Variants in COX6A1 observed in about 807,000 individuals in gnomAD.
COX6A1 encodes the protein cytochrome c oxidase subunit 6A1.
A neutral mutation model predicts 11.3 loss-of-function variants in COX6A1; 10 were observed. That is an observed-to-expected ratio of 0.88 (90% confidence interval 0.54 to 1.50). The LOEUF is 1.50. Ranked by LOEUF, COX6A1 falls within the 40% of genes most tolerant of loss-of-function variation. COX6A1 has a pLI of 0.00. For synonymous variants in COX6A1, 81 were observed against 60.6 expected, an observed-to-expected ratio of 1.34 and a Z score of -1.57; for missense variants, 149 against 147.6, an observed-to-expected ratio of 1.01 and a Z score of -0.05.
rs1877632489 is a variant in COX6A1 at position 120,438,596 on chromosome 12, C to G, written c.246+75C>G. On this transcript the variant is annotated intron_variant, in intron 2 of 2. Coordinates refer to ENST00000229379, the MANE Select transcript of COX6A1 (RefSeq NM_004373.4). ...TGCCTTAGTGCAAGTTCTTCATTCTCTGAAGGCATGGGTGCCAGGCGTGTA... is the reference window on the plus strand; with the variant it reads ...TGCCTTAGTGCAAGTTCTTCATTCTGTGAAGGCATGGGTGCCAGGCGTGTA... 3.8e-6 allele frequency: 6 copies of G among 1,597,664 alleles called. No individual in the cohort carries two copies. In the East Asian group the frequency reaches 1.1e-4, roughly 30 times the overall value.
At position 120,438,421 on chromosome 12, in the gene COX6A1, G is replaced by T. The variant is rs767917472; in HGVS notation, c.146G>T (p.Gly49Val). The change falls in exon 2 of 3, where the codon GGG becomes GTG. Residue 49 changes from glycine (G) to valine (V), a missense_variant. Coordinates refer to ENST00000229379, the MANE Select transcript of COX6A1 (RefSeq NM_004373.4). ...CTCACCTTCTTCGTCGCGCTCCCCG[G>T]GGTGGCAGTCAGCATGCTGAATGTG... is the stretch of plus-strand genomic sequence containing the variant. ...KTLTFFVALP[G>V]VAVSMLNVYL... 1.9e-6 allele frequency: 3 copies of T among 1,614,072 alleles called. No homozygotes were observed. The African/African-American group carries it at 4.0e-5, about 22-fold the overall frequency.
At chr12:120,438,552 G>T in intron 2 of COX6A1, 31 bp downstream of exon 2, 1 of 1,614,102 alleles carries the variant, frequency 6.2e-7, no homozygotes, top group Non-Finnish European at 8.5e-7. Flanking sequence ...TCAAGCGTCC[G>T]TTCTCTTTTC....
rs1877694496 is a variant in COX6A1 at position 120,440,439 on chromosome 12, A to T, written c.247-15A>T. ...TATTTTCTGGAATTATCTAACTGAC[A>T]TCTTCACTCCACAGCCGTTTCCCTG... On this transcript the variant is annotated splice_polypyrimidine_tract_variant and intron_variant, in intron 2 of 2. Coordinates refer to ENST00000229379, the MANE Select transcript of COX6A1 (RefSeq NM_004373.4). 1 of 1,599,342 alleles carries T rather than the reference A, an allele frequency of 6.3e-7. No homozygotes were observed. Among genetic ancestry groups the T allele is most frequent in the East Asian group, 2.2e-5 (1 of 44,808 alleles).
rs1284421106 is a variant in COX6A1 at position 120,438,360 on chromosome 12, G to C, written c.104-19G>C. 1 of 1,614,084 alleles carries C rather than the reference G, an allele frequency of 6.2e-7. No individual in the cohort carries two copies. Among genetic ancestry groups the C allele is most frequent in the Non-Finnish European group, 8.5e-7 (1 of 1,180,046 alleles). ...GGCCCGCCCCATACCGGCGCTGAACGTTTGTGGCTTCTCCGCAGCTCGCAT... is the reference window on the plus strand; with the variant it reads ...GGCCCGCCCCATACCGGCGCTGAACCTTTGTGGCTTCTCCGCAGCTCGCAT... On this transcript the variant is annotated intron_variant, in intron 1 of 2. Transcript: ENST00000229379.
intron 1 of COX6A1, 70 bp from the exon 2 acceptor site, chr12:120,438,309 C>T: frequency 6.2e-7 from 1 of 1,613,338 alleles, no homozygotes. Flanking sequence ...TGGCCCGAGG[C>T]CTTGCGGGAG....
Position 120,440,594 on chromosome 12 carries a change from A to C in COX6A1, c.*57A>C. On this transcript the variant is annotated 3_prime_UTR_variant, in exon 3 of 3. Transcript: ENST00000229379. ...GACCACAGCACTGGTTTGGACCGTT[A>C]CTCTGCACATGGACCAGAAAAAGTA... 1 of 1,341,144 alleles carries C rather than the reference A, an allele frequency of 7.5e-7. No individual in the cohort carries two copies. Among genetic ancestry groups the C allele is most frequent in the Non-Finnish European group, 1.1e-6 (1 of 933,648 alleles). 83.1% of individuals were successfully genotyped at this position (1,341,144 alleles called of 1,614,324 possible). A position where few individuals can be genotyped will look rare whatever the true frequency, so the allele number is the denominator to read the frequency against.
At chr12:120,440,178 A>G (rs1877688556) in intron 2 of COX6A1, 3 of 333,412 alleles carry the variant, frequency 9.0e-6, no homozygotes, top group Non-Finnish European at 1.7e-5. Context: ...GTTACTAGGG[A>G]GAGGATGATG....
intron 2 of COX6A1, 137 bp from the exon 3 acceptor site, chr12:120,440,317 G>A: frequency 3.3e-6 from 2 of 613,914 alleles, no homozygotes; most frequent in Non-Finnish European, 5.8e-6. Context: ...TGGGAAGGTT[G>A]AACTACACCA....
At chr12:120,438,658 C>CTG in intron 2 of COX6A1, 137 bp downstream of exon 2, 1 of 1,278,758 alleles carries the variant, frequency 7.8e-7, no homozygotes. Context: ...AATGTATTTT[C>CTG]TTCCATTTTG....
Position 120,438,788 on chromosome 12 carries a change from CTTTTTTTTTTT to C in COX6A1, c.246+283_246+293del, listed in dbSNP as rs376239130. 6 of 120,072 alleles carry C rather than the reference CTTTTTTTTTTT, an allele frequency of 5.0e-5. No individual in the cohort carries two copies. The East Asian group carries it at 1.1e-3, about 21-fold the overall frequency. The allele number at this position is 120,072 out of a possible 1,614,324, so 7.4% of individuals were successfully genotyped here. A position where few individuals can be genotyped will look rare whatever the true frequency, so the allele number is the denominator to read the frequency against. ...CTACCTCCTGCCTTCTGAGACAGTT[CTTTTTTTTTTT>C]TTTTTTTTTTTTTTTACTTCTGAGA... On this transcript the variant is annotated intron_variant, in intron 2 of 2. Transcript: ENST00000229379.
intron 2 of COX6A1, chr12:120,440,143 C>A (rs1877687941): frequency 5.2e-6 from 1 of 192,316 alleles, no homozygotes; most frequent in African/African-American, 2.3e-5. Flanking sequence ...ATTACACTTT[C>A]ATAAACACAG....
intron 2 of COX6A1, among the ~76,000 whole-genome samples, chr12:120,439,316 C>G (rs1877657328): frequency 6.6e-6 from 1 of 152,076 alleles, no homozygotes; most frequent in African/African-American, 2.4e-5. Flanking sequence ...CGCCGGAGGT[C>G]AGGAGTTCAA....
At chr12:120,439,069 T>G (rs1007142323) in intron 2 of COX6A1, among the ~76,000 whole-genome samples, 2 of 152,042 alleles carry the variant, frequency 1.3e-5, no homozygotes, top group African/African-American at 4.8e-5. Flanking sequence ...CAACAAAACA[T>G]GGGCATCTGG....
rs150306361 is a variant in COX6A1 at position 120,438,583 on chromosome 12, A to G, written c.246+62A>G. ...TTTTCGTTATGTGTGCCTTAGTGCA[A>G]GTTCTTCATTCTCTGAAGGCATGGG... On this transcript the variant is annotated intron_variant, in intron 2 of 2. Coordinates refer to ENST00000229379, the MANE Select transcript of COX6A1 (RefSeq NM_004373.4). 311 of 1,611,154 alleles carry G rather than the reference A, an allele frequency of 1.9e-4. 1 individual carries two copies. In the East Asian group the frequency reaches 5.6e-3, roughly 29 times the overall value.
Position 120,438,125 on chromosome 12 carries a change from A to G in COX6A1, c.-2A>G, listed in dbSNP as rs780608037. On this transcript the variant is annotated 5_prime_UTR_variant, in exon 1 of 3. Coordinates refer to ENST00000229379, the MANE Select transcript of COX6A1 (RefSeq NM_004373.4). The stretch of plus-strand genomic sequence containing the variant: ...CCGGCGCTGCGGCAGTCCAGATCAA[A>G]AATGGCGGTAGTTGGTGTGTCCTCG... 6.2e-7 allele frequency: 1 copy of G among 1,613,256 alleles called. No individual in the cohort carries two copies. Among genetic ancestry groups the G allele is most frequent in the East Asian group, 2.2e-5 (1 of 44,878 alleles).
At chr12:120,438,277 A>G in intron 1 of COX6A1, 48 bp downstream of exon 1, 1 of 1,612,422 alleles carries the variant, frequency 6.2e-7, no homozygotes, top group African/African-American at 1.3e-5. Flanking sequence ...CACTCGGGCG[A>G]GACAGGGAGG....
intron 2 of COX6A1, chr12:120,440,223 A>G (rs1178976994): frequency 2.4e-6 from 1 of 422,690 alleles, no homozygotes; most frequent in Non-Finnish European, 4.3e-6. Context: ...TCTGCCATCC[A>G]TATTTGTTTC....
chr12:120,440,039 T>C (rs955106123), intron 2 of COX6A1: 1 of 155,924 alleles, frequency 6.4e-6, no homozygotes, highest in Non-Finnish European at 1.4e-5. Context: ...AGCCCAGATA[T>C]TGTTTGAAGT....
At chr12:120,440,397 C>T (rs547953549) in intron 2 of COX6A1, 57 bp from the exon 3 acceptor site, 77 of 1,345,424 alleles carry the variant, frequency 5.7e-5, no homozygotes, top group African/African-American at 4.6e-4. Context: ...CAGTTCATGA[C>T]GGTGTTCTTT....
Sources: gnomAD v4.1 joint callset for allele counts (sites outside exome capture counted in the v4.1 genomes callset) on GRCh38, gnomAD v4.1.1 for gene constraint, MANE v1.5 for transcripts, NCBI Gene and HGNC (gene_info 2026-07-23, HGNC 2026-07-21) for gene names.